The following PTPRT variants were observed in gnomAD, a reference collection of about 807,000 sequenced individuals.
PTPRT encodes the protein receptor-type tyrosine-protein phosphatase T.
Under a neutral mutation model 176.8 loss-of-function variants are expected in PTPRT, and 56 were observed. The ratio of observed to expected loss-of-function variants is 0.32; its 90% CI spans 0.26 to 0.40. The LOEUF (loss-of-function observed/expected upper bound fraction) is 0.40, where lower values mean the gene tolerates loss of function less well. Ranked by LOEUF, PTPRT falls within the 10% of genes least tolerant of loss-of-function variation. The pLI, the probability that PTPRT is intolerant of heterozygous loss-of-function variation, is 1.00. For synonymous variants in PTPRT, 783 were observed against 739.0 expected, an observed-to-expected ratio of 1.06 and a Z score of -0.96; for missense variants, 1,540 against 1,908.2, an observed-to-expected ratio of 0.81 and a Z score of 3.60.
chr20:42,194,878 T>C (rs1991141065), intron 16 of PTPRT, among the ~76,000 whole-genome samples: 1 of 152,148 alleles, frequency 6.6e-6, no homozygotes, highest in African/African-American at 2.4e-5. Flanking sequence ...ATTGAATAGA[T>C]GTCACAGAAC....
chr20:42,762,552 G>C (rs1350305174), intron 5 of PTPRT, among the ~76,000 whole-genome samples: 1 of 152,234 alleles, frequency 6.6e-6, no homozygotes, highest in Non-Finnish European at 1.5e-5. Flanking sequence ...AGAGGCGGGA[G>C]TTGTGGCCCC....
chr20:42,380,536 A>C (rs2058689047), intron 9 of PTPRT, among the ~76,000 whole-genome samples: 1 of 152,204 alleles, frequency 6.6e-6, no homozygotes, highest in Non-Finnish European at 1.5e-5. Flanking sequence ...TCTCCCTCCC[A>C]GACATTGGGC....
At chr20:42,756,199 C>T (rs2076829561) in intron 6 of PTPRT, among the ~76,000 whole-genome samples, 1 of 152,194 alleles carries the variant, frequency 6.6e-6, no homozygotes, top group Non-Finnish European at 1.5e-5. Context: ...TTGAAGATGT[C>T]TTCTGTGTTA....
intron 7 of PTPRT, among the ~76,000 whole-genome samples, chr20:42,617,152 T>C (rs1369094765): frequency 1.5e-5 from 2 of 136,780 alleles, no homozygotes; most frequent in African/African-American, 3.3e-5. Flanking sequence ...GCATGAAGGG[T>C]TGTTGAATTT....
At chr20:42,391,904 A>G (rs1301200130) in intron 9 of PTPRT, among the ~76,000 whole-genome samples, 5 of 152,148 alleles carry the variant, frequency 3.3e-5, no homozygotes, top group Admixed American at 6.5e-5. Flanking sequence ...GTTCTCCCCA[A>G]CAGAAGAGCT....
intron 1 of PTPRT, among the ~76,000 whole-genome samples, chr20:43,104,841 T>C (rs114827618): frequency 3.3e-5 from 5 of 152,292 alleles, no homozygotes; most frequent in African/African-American, 1.2e-4. Flanking sequence ...TTGTGGTGAG[T>C]ATTAAATAGA....
At chr20:42,247,698 T>G (rs1425022412) in intron 14 of PTPRT, among the ~76,000 whole-genome samples, 2 of 152,182 alleles carry the variant, frequency 1.3e-5, no homozygotes, top group African/African-American at 4.8e-5. Context: ...TGGATAAATG[T>G]TTTGTTTGCT....
chr20:42,321,723 C>T (rs992661414), intron 11 of PTPRT, among the ~76,000 whole-genome samples: 2 of 152,170 alleles, frequency 1.3e-5, no homozygotes, highest in Non-Finnish European at 2.9e-5. Context: ...GAGATCTTGT[C>T]ATCTAATTCA....
At chr20:42,946,379 G>GA (rs1220822213) in intron 1 of PTPRT, among the ~76,000 whole-genome samples, 1 of 152,156 alleles carries the variant, frequency 6.6e-6, no homozygotes, top group Non-Finnish European at 1.5e-5. Flanking sequence ...AAAGAGAAAG[G>GA]AAAAACCTTA....
intron 7 of PTPRT, among the ~76,000 whole-genome samples, chr20:42,525,473 C>G (rs577768326): frequency 6.6e-6 from 1 of 152,274 alleles, no homozygotes; most frequent in African/African-American, 2.4e-5. Flanking sequence ...TGTATATTCA[C>G]TTACAACTCT....
At chr20:42,816,519 T>C (rs186839340) in intron 2 of PTPRT, among the ~76,000 whole-genome samples, 2 of 152,308 alleles carry the variant, frequency 1.3e-5, no homozygotes, top group East Asian at 1.9e-4. Flanking sequence ...AGGAGGGACC[T>C]GTAATCCCCA....
intron 6 of PTPRT, among the ~76,000 whole-genome samples, chr20:42,688,797 G>C (rs1197047375): frequency 6.6e-6 from 1 of 152,108 alleles, no homozygotes; most frequent in Admixed American, 6.5e-5. Context: ...CAGTGAGGCA[G>C]GTACATGAAG....
intron 7 of PTPRT, among the ~76,000 whole-genome samples, chr20:42,649,306 C>T (rs1218586801): frequency 6.6e-6 from 1 of 152,100 alleles, no homozygotes; most frequent in Non-Finnish European, 1.5e-5. Context: ...ATCATGAGAA[C>T]AGCAAAGGAA....
chr20:42,764,408 A>G (rs2076955629), intron 5 of PTPRT, among the ~76,000 whole-genome samples: 1 of 152,206 alleles, frequency 6.6e-6, no homozygotes, highest in Non-Finnish European at 1.5e-5. Context: ...TCTCATGTAG[A>G]TTTGAGAAAT....
chr20:43,096,786 G>A (rs1336429278), intron 1 of PTPRT, among the ~76,000 whole-genome samples: 2 of 152,182 alleles, frequency 1.3e-5, no homozygotes, highest in African/African-American at 4.8e-5. Context: ...GTCCTCATGT[G>A]GGGACAGAGG....
At chr20:42,427,020 C>T (rs2059171056) in intron 9 of PTPRT, among the ~76,000 whole-genome samples, 1 of 152,086 alleles carries the variant, frequency 6.6e-6, no homozygotes, top group African/African-American at 2.4e-5. Context: ...CCTCTGGGCT[C>T]CATTTATAAA....
chr20:42,653,381 A>T (rs948710201), intron 7 of PTPRT, among the ~76,000 whole-genome samples: 3 of 152,260 alleles, frequency 2.0e-5, no homozygotes, highest in Non-Finnish European at 4.4e-5. Flanking sequence ...GCATGAGAAC[A>T]GACTAATACA....
intron 13 of PTPRT, among the ~76,000 whole-genome samples, chr20:42,271,710 G>A (rs1600759436): frequency 1.3e-5 from 2 of 152,164 alleles, no homozygotes; most frequent in Admixed American, 6.5e-5. Flanking sequence ...TGGCTTTAAT[G>A]TTCCTGTCCT....
At chr20:42,274,755 G>T (rs1339439817) in intron 13 of PTPRT, among the ~76,000 whole-genome samples, 2 of 152,090 alleles carry the variant, frequency 1.3e-5, no homozygotes, top group African/African-American at 2.4e-5. Flanking sequence ...TGGTTTATTA[G>T]CTTCAATATG....
Sources: gnomAD v4.1 joint callset for allele counts (sites outside exome capture counted in the v4.1 genomes callset) on GRCh38, gnomAD v4.1.1 for gene constraint, MANE v1.5 for transcripts, NCBI Gene and HGNC (gene_info 2026-07-23, HGNC 2026-07-21) for gene names.